The following LTBP1 variants were observed in gnomAD, a reference collection of about 807,000 sequenced individuals.
The protein encoded by LTBP1 is latent-transforming growth factor beta-binding protein 1.
In LTBP1, 129 loss-of-function variants were observed where a neutral mutation model predicts 207.6. The ratio of observed to expected loss-of-function variants is 0.62; its 90% CI spans 0.54 to 0.72. LTBP1 has a LOEUF of 0.72. Ranked by LOEUF, LTBP1 falls within the 30% of genes least tolerant of loss-of-function variation. The pLI is 0.00. For synonymous variants in LTBP1, 963 were observed against 833.7 expected (o/e 1.16, Z -2.67); for missense variants, 2,281 against 2,217.2 (o/e 1.03, Z -0.58).
At chr2:33,374,639 G>A (rs556315280) in intron 31 of LTBP1, among the ~76,000 whole-genome samples, 2 of 152,294 alleles carry the variant, frequency 1.3e-5, no homozygotes, top group African/African-American at 4.8e-5. Context: ...TGGCCAGTAA[G>A]CCAGTTATGT....
chr2:33,315,639 T>C (rs888370710), intron 24 of LTBP1, among the ~76,000 whole-genome samples: 1 of 152,122 alleles, frequency 6.6e-6, no homozygotes, highest in African/African-American at 2.4e-5. Context: ...GTCTTGATCA[T>C]TCTGTGTGTA....
At chr2:33,006,774 C>T (rs1396891741) in intron 2 of LTBP1, among the ~76,000 whole-genome samples, 1 of 149,982 alleles carries the variant, frequency 6.7e-6, no homozygotes, top group Non-Finnish European at 1.5e-5. Context: ...CCTGATGAGC[C>T]CTTAAAGTCC....
intron 4 of LTBP1, among the ~76,000 whole-genome samples, chr2:33,119,176 T>TTTTTA (rs1553413660): frequency 6.6e-6 from 1 of 151,502 alleles, no homozygotes. Flanking sequence ...ATTTTTTTTT[T>TTTTTA]CCCTAGGGAA....
At chr2:32,977,616 G>A (rs1682015870) in intron 2 of LTBP1, among the ~76,000 whole-genome samples, 1 of 152,170 alleles carries the variant, frequency 6.6e-6, no homozygotes, top group Non-Finnish European at 1.5e-5. Context: ...CTTCAGTTTA[G>A]AAGCATGGTT....
chr2:33,239,076 A>G (rs988230704), intron 9 of LTBP1, among the ~76,000 whole-genome samples: 8 of 152,236 alleles, frequency 5.3e-5, no homozygotes, highest in African/African-American at 1.4e-4. Context: ...TTAGAAGAAG[A>G]GCAGTTTTAG....
intron 5 of LTBP1, among the ~76,000 whole-genome samples, chr2:33,175,145 G>C (rs1171171214): frequency 6.6e-6 from 1 of 151,036 alleles, no homozygotes; most frequent in Non-Finnish European, 1.5e-5. Context: ...ACAAAAGCCA[G>C]AATTGACAAA....
intron 3 of LTBP1, among the ~76,000 whole-genome samples, chr2:33,064,466 A>C (rs905471903): frequency 6.6e-6 from 1 of 152,194 alleles, no homozygotes; most frequent in African/African-American, 2.4e-5. Flanking sequence ...CATGAGCTTC[A>C]TGTTCAGATT....
At chr2:33,340,099 T>G (rs1426361343) in intron 24 of LTBP1, among the ~76,000 whole-genome samples, 1 of 151,548 alleles carries the variant, frequency 6.6e-6, no homozygotes, top group Admixed American at 6.6e-5. Context: ...CTACTAAAAA[T>G]ACAAAAAAAT....
At chr2:33,265,870 T>C (rs1573512449) in intron 15 of LTBP1, among the ~76,000 whole-genome samples, 1 of 152,256 alleles carries the variant, frequency 6.6e-6, no homozygotes, top group Admixed American at 6.5e-5. Flanking sequence ...CAATGTGTTA[T>C]AGGAGCTAAA....
intron 5 of LTBP1, among the ~76,000 whole-genome samples, chr2:33,136,987 T>A (rs2082196205): frequency 6.6e-6 from 1 of 152,218 alleles, no homozygotes; most frequent in African/African-American, 2.4e-5. Context: ...CATTGGAAAT[T>A]GTGGGAAACA....
At chr2:32,975,587 T>G (rs796679258) in intron 2 of LTBP1, among the ~76,000 whole-genome samples, 41 of 30,294 alleles carry the variant, frequency 1.4e-3, no homozygotes, top group African/African-American at 3.2e-3. Context: ...TTCTTTGTTT[T>G]TTTTTTTTTT....
chr2:33,314,230 A>G (rs2094230581), intron 23 of LTBP1, among the ~76,000 whole-genome samples: 1 of 152,162 alleles, frequency 6.6e-6, no homozygotes, highest in Non-Finnish European at 1.5e-5. Flanking sequence ...ATCGGAAACC[A>G]TGCAAATACG....
chr2:33,007,827 T>C (rs1056144654), intron 2 of LTBP1, among the ~76,000 whole-genome samples: 1 of 152,210 alleles, frequency 6.6e-6, no homozygotes, highest in Non-Finnish European at 1.5e-5. Context: ...GTGCTTTGCA[T>C]GTATTAATTA....
chr2:33,392,013 A>G (rs1181872608), intron 32 of LTBP1, among the ~76,000 whole-genome samples: 1 of 152,144 alleles, frequency 6.6e-6, no homozygotes, highest in Non-Finnish European at 1.5e-5. Flanking sequence ...GCCTGCTGCA[A>G]AAATGATTGT....
intron 2 of LTBP1, among the ~76,000 whole-genome samples, chr2:32,969,906 C>T (rs1680609380): frequency 1.3e-5 from 2 of 152,250 alleles, no homozygotes; most frequent in South Asian, 2.1e-4. Flanking sequence ...TAAACATTCC[C>T]TTTTTTTCTG....
intron 3 of LTBP1, among the ~76,000 whole-genome samples, chr2:33,065,989 T>C (rs1323537070): frequency 6.6e-6 from 1 of 152,224 alleles, no homozygotes; most frequent in East Asian, 1.9e-4. Flanking sequence ...AGTTTATGGC[T>C]GTTTGCATTT....
intron 7 of LTBP1, among the ~76,000 whole-genome samples, chr2:33,204,312 A>G (rs930805336): frequency 3.1e-4 from 47 of 152,286 alleles, no homozygotes; most frequent in African/African-American, 1.1e-3. Flanking sequence ...CATTTACTCT[A>G]GTGACACTGC....
At position 33,365,508 on chromosome 2, in the gene LTBP1, G is replaced by C. The variant is rs2094974382; in HGVS notation, c.4711+5G>C. On this transcript the variant is annotated splice_donor_5th_base_variant and intron_variant, in intron 31 of 33. Coordinates refer to ENST00000404816, the MANE Select transcript of LTBP1 (RefSeq NM_206943.4). ...TCTGCCCCCTGAAGGATTCAGGTGAGCCCATATCCAATTCCTTCTGCAGGA... is the reference window on the plus strand; with the variant it reads ...TCTGCCCCCTGAAGGATTCAGGTGACCCCATATCCAATTCCTTCTGCAGGA... 1 of 1,611,110 alleles carries C rather than the reference G, an allele frequency of 6.2e-7. No individual in the cohort carries two copies. Among genetic ancestry groups the C allele is most frequent in the Non-Finnish European group, 8.5e-7 (1 of 1,178,568 alleles).
At chr2:33,005,412 T>C (rs1029015585) in intron 2 of LTBP1, among the ~76,000 whole-genome samples, 1 of 152,028 alleles carries the variant, frequency 6.6e-6, no homozygotes, top group Non-Finnish European at 1.5e-5. Flanking sequence ...AGGTGCACCT[T>C]TCCACATGGT....
Sources: allele counts gnomAD v4.1 joint callset (sites outside exome capture counted in the v4.1 genomes callset), GRCh38; gene constraint gnomAD v4.1.1; transcripts MANE v1.5; gene names NCBI Gene and HGNC (gene_info 2026-07-23, HGNC 2026-07-21).